Variants in PKNOX1 observed in about 807,000 individuals in gnomAD.
The protein encoded by PKNOX1 is homeobox protein PKNOX1.
Under a neutral mutation model 51.9 loss-of-function variants are expected in PKNOX1, and 15 were observed. That is an observed-to-expected ratio of 0.29 (90% confidence interval 0.19 to 0.45). The LOEUF (loss-of-function observed/expected upper bound fraction) is 0.45, where lower values mean the gene tolerates loss of function less well. Ranked by LOEUF, PKNOX1 falls within the 20% of genes least tolerant of loss-of-function variation. PKNOX1 has a pLI of 1.00. For synonymous variants in PKNOX1, 219 were observed against 211.1 expected (o/e 1.04, Z -0.32); for missense variants, 462 against 547.5 (o/e 0.84, Z 1.56).
rs1260038578 is a variant in PKNOX1 at position 43,021,736 on chromosome 21, T to C, written c.849+305T>C. Among the ~76,000 whole-genome samples, 2 of 152,208 alleles carry C rather than the reference T, an allele frequency of 1.3e-5. No individual in the cohort carries two copies. Among genetic ancestry groups the C allele is most frequent in the Non-Finnish European group, 2.9e-5 (2 of 68,028 alleles). On this transcript the variant is annotated intron_variant, in intron 8 of 10. Coordinates refer to ENST00000291547, the MANE Select transcript of PKNOX1 (RefSeq NM_004571.5). This position sits in a 1 kb window ranked among gnomAD's most constrained non-coding sequence, Gnocchi z 4.6. Reference sequence around the variant, plus strand: ...AAAAGTGGGCAGAGAAGGGATGTTCTTGGGCAGCAGCTGGGGAAGTTGCTG... The same window carrying C: ...AAAAGTGGGCAGAGAAGGGATGTTCCTGGGCAGCAGCTGGGGAAGTTGCTG...
chr21:43,025,922 G>A (rs1009176553), intron 9 of PKNOX1, among the ~76,000 whole-genome samples: 6 of 152,096 alleles, frequency 3.9e-5, no homozygotes, highest in Non-Finnish European at 7.3e-5. Context: ...TTTTAGATGT[G>A]GGTAGTCACA....
At position 43,032,068 on chromosome 21, in the gene PKNOX1, C is replaced by T. The variant is rs988635920; in HGVS notation, c.*1967C>T. The stretch of plus-strand genomic sequence containing the variant: ...TAGAGATGGGTTTCTCCATGTTGGT[C>T]GGGCTGGTCTCGAACTCCCGACCTC... On this transcript the variant is annotated 3_prime_UTR_variant, in exon 11 of 11. Transcript: ENST00000291547. 23 of 425,826 alleles carry T rather than the reference C, an allele frequency of 5.4e-5. No homozygotes were observed. Among genetic ancestry groups the T allele is most frequent in the African/African-American group, 1.0e-4 (5 of 48,398 alleles). 26.4% of individuals were successfully genotyped at this position (425,826 alleles called of 1,614,324 possible).
At chr21:42,978,318 T>C (rs935747661) in intron 1 of PKNOX1, among the ~76,000 whole-genome samples, 8 of 152,142 alleles carry the variant, frequency 5.3e-5, no homozygotes, top group Admixed American at 2.0e-4. Context: ...TTCTTATTCA[T>C]GTGTTCACTG....
intron 1 of PKNOX1, among the ~76,000 whole-genome samples, chr21:42,988,118 C>G (rs548290250): frequency 6.6e-6 from 1 of 151,404 alleles, no homozygotes; most frequent in African/African-American, 2.4e-5. Context: ...CAATGGCCTA[C>G]TCTCAGCTCA....
At chr21:43,015,027 CTCTGATTTCAT>C (rs929293815) in intron 5 of PKNOX1, among the ~76,000 whole-genome samples, 29 of 152,370 alleles carry the variant, frequency 1.9e-4, no homozygotes, top group African/African-American at 6.3e-4. Flanking sequence ...TGATTGACAA[CTCTGATTTCAT>C]TCATCAGTGC....
intron 1 of PKNOX1, among the ~76,000 whole-genome samples, chr21:42,986,265 G>A (rs1365440345): frequency 1.3e-5 from 2 of 152,150 alleles, no homozygotes; most frequent in African/African-American, 4.8e-5. Context: ...CACTTTGGGA[G>A]GCCAAGGCGG....
At chr21:43,009,648 C>T (rs1162516776) in intron 3 of PKNOX1, among the ~76,000 whole-genome samples, 1 of 147,324 alleles carries the variant, frequency 6.8e-6, no homozygotes, top group Non-Finnish European at 1.5e-5. Flanking sequence ...AGTACTGATA[C>T]CCGTAAAACA....
intron 1 of PKNOX1, 86 bp downstream of exon 1, chr21:42,974,750 G>A (rs2146209982): frequency 1.2e-5 from 2 of 160,114 alleles, no homozygotes; most frequent in South Asian, 1.7e-4. Flanking sequence ...CGCGGCCGCC[G>A]CCCGCCGCCG....
chr21:43,003,329 C>T (rs1432688925), intron 1 of PKNOX1, among the ~76,000 whole-genome samples: 2 of 152,226 alleles, frequency 1.3e-5, no homozygotes, highest in Non-Finnish European at 2.9e-5. Flanking sequence ...GTGCTGGTTG[C>T]GTTCCTGCTC....
chr21:42,982,105 C>T (rs1437433488), intron 1 of PKNOX1, among the ~76,000 whole-genome samples: 17 of 152,182 alleles, frequency 1.1e-4, no homozygotes, highest in Admixed American at 1.0e-3. Flanking sequence ...GAGAGAGTGC[C>T]TGTGCTCTTT....
chr21:42,978,640 C>T (rs955277537), intron 1 of PKNOX1, among the ~76,000 whole-genome samples: 5 of 151,742 alleles, frequency 3.3e-5, no homozygotes, highest in Non-Finnish European at 5.9e-5. Flanking sequence ...TGAGCCACCA[C>T]GCCCGGCTAA....
chr21:43,018,047 C>CAAAAAAAAAAAAAAA (rs60175567), intron 6 of PKNOX1, 86 bp from the exon 7 acceptor site: 15 of 279,916 alleles, frequency 5.4e-5, no homozygotes, highest in Admixed American at 1.8e-4. Flanking sequence ...CCTGTCTCTA[C>CAAAAAAAAAAAAAAA]AAAAAAAAAA....
intron 1 of PKNOX1, among the ~76,000 whole-genome samples, chr21:42,995,674 C>G (rs910127171): frequency 6.6e-6 from 1 of 151,816 alleles, no homozygotes; most frequent in African/African-American, 2.4e-5. Context: ...AAGAACCCAT[C>G]TCAAAAAAAT....
At chr21:42,982,504 TGG>T (rs2059031779) in intron 1 of PKNOX1, among the ~76,000 whole-genome samples, 1 of 151,776 alleles carries the variant, frequency 6.6e-6, no homozygotes, top group South Asian at 2.1e-4. Context: ...CCAAGGTGGG[TGG>T]ATCACCTGAG....
intron 1 of PKNOX1, among the ~76,000 whole-genome samples, chr21:42,990,183 A>T (rs892893563): frequency 4.6e-5 from 7 of 151,520 alleles, no homozygotes; most frequent in Admixed American, 2.0e-4. Flanking sequence ...AATTGCTTGA[A>T]ATCAGGTGGT....
In PKNOX1 at chr21:43,031,862, A is replaced by G; in HGVS notation, c.*1761A>G. Reference sequence around the variant, plus strand: ...TGGTTATCAAGTCTTTTGGGGAGAGAATGACATTTTTTTTTTGAGACAGAG... The same window carrying G: ...TGGTTATCAAGTCTTTTGGGGAGAGGATGACATTTTTTTTTTGAGACAGAG... On this transcript the variant is annotated 3_prime_UTR_variant, in exon 11 of 11. Coordinates refer to ENST00000291547, the MANE Select transcript of PKNOX1 (RefSeq NM_004571.5). The G allele has an allele frequency of 6.0e-6, 1 of 166,354 alleles. No individual in the cohort carries two copies. Among genetic ancestry groups the G allele is most frequent in the Non-Finnish European group, 1.3e-5 (1 of 75,704 alleles). 10.3% of individuals were successfully genotyped at this position (166,354 alleles called of 1,614,324 possible). A position where few individuals can be genotyped will look rare whatever the true frequency, so the allele number is the denominator to read the frequency against.
At chr21:43,014,091 G>T (rs1459245824) in intron 5 of PKNOX1, among the ~76,000 whole-genome samples, 2 of 143,734 alleles carry the variant, frequency 1.4e-5, no homozygotes, top group African/African-American at 2.6e-5. Flanking sequence ...GCGCGATCTC[G>T]GCTTACTGCA....
At position 43,010,067 on chromosome 21, in the gene PKNOX1, C is replaced by T; in HGVS notation, c.194C>T (p.Pro65Leu). 4.5e-6 allele frequency: 7 copies of T among 1,558,364 alleles called. No individual in the cohort carries two copies. Among genetic ancestry groups the T allele is most frequent in the Non-Finnish European group, 6.1e-6 (7 of 1,156,292 alleles). Residue 65 changes from proline to leucine, a missense_variant, in exon 4 of 11, where the codon CCA becomes CTA. Physicochemically the swap from Pro to Leu is moderately conservative, Grantham distance 98 (BLOSUM62 -3). This residue lies in a region of PKNOX1 where 129 missense variants were observed against 133.4 expected (regional missense o/e 0.97). Coordinates refer to ENST00000291547, the MANE Select transcript of PKNOX1 (RefSeq NM_004571.5). ...KQAIYRHPLF[P>L]LLALLFEKCE... ...TTTCTCCTCAGGCATCCACTATTTC[C>T]ATTATTAGCTTTGTTGTTTGAAAAA...
chr21:42,984,277 T>C (rs891054007), intron 1 of PKNOX1, among the ~76,000 whole-genome samples: 12 of 152,248 alleles, frequency 7.9e-5, no homozygotes, highest in African/African-American at 2.2e-4. Context: ...TAAGCTATAT[T>C]GTGTTATGCT....
Sources: allele counts gnomAD v4.1 joint callset (sites outside exome capture counted in the v4.1 genomes callset), GRCh38; gene constraint gnomAD v4.1.1; regional missense constraint gnomAD v4.1.1; non-coding constraint Gnocchi (gnomAD v3.1); transcripts MANE v1.5; gene names NCBI Gene and HGNC (gene_info 2026-07-23, HGNC 2026-07-21).